Variants in TRIM44 observed in about 807,000 individuals in gnomAD.
TRIM44 encodes tripartite motif containing 44, also known as tripartite motif-containing protein 44.
Under a neutral mutation model 37.4 loss-of-function variants are expected in TRIM44, and 13 were observed. That is an observed-to-expected ratio of 0.35 (90% CI 0.23 to 0.55). The LOEUF is 0.55. Among genes scored for constraint, TRIM44 ranks in the 20% least tolerant of loss-of-function variants. The pLI is 0.89. For missense variants in TRIM44, 426 were observed against 437.2 expected (o/e 0.97, Z 0.23); for synonymous variants, 175 against 157.2 (o/e 1.11, Z -0.85).
At chr11:35,676,999 A>G (rs1851466075) in intron 1 of TRIM44, among the ~76,000 whole-genome samples, 3 of 152,220 alleles carry the variant, frequency 2.0e-5, no homozygotes, top group Admixed American at 2.0e-4. Flanking sequence ...GAGAAAAATA[A>G]CAAATAGCTG....
chr11:35,762,366 A>G lies in TRIM44; in HGVS notation c.1007+26921A>G, dbSNP rs532555305. On this transcript the variant is annotated intron_variant, in intron 4 of 4. Transcript: ENST00000299413. ...AAAGGTTATATCCCTGTCAGACTTA[A>G]AGTTGTTTAAAATTAAGTCTTTGCC... Among the ~76,000 whole-genome samples the G allele has an allele frequency of 1.1e-4, 16 of 152,220 alleles. No homozygotes were observed. In the East Asian group the frequency reaches 2.9e-3, roughly 28 times the overall value.
chr11:35,696,749 AG>A (rs1398139483), intron 2 of TRIM44, among the ~76,000 whole-genome samples: 1 of 151,608 alleles, frequency 6.6e-6, no homozygotes, highest in Non-Finnish European at 1.5e-5. Context: ...TGGGAGGCTG[AG>A]GTAGGAGAAT....
intron 4 of TRIM44, among the ~76,000 whole-genome samples, chr11:35,773,185 A>G (rs1281103620): frequency 6.6e-6 from 1 of 152,116 alleles, no homozygotes; most frequent in Non-Finnish European, 1.5e-5. Context: ...CTCCCCAGCC[A>G]TGTGGAACTG....
intron 2 of TRIM44, among the ~76,000 whole-genome samples, chr11:35,717,698 A>G (rs951283177): frequency 2.0e-5 from 3 of 152,198 alleles, no homozygotes; most frequent in African/African-American, 7.2e-5. Context: ...TCTGAGAACC[A>G]GGATTAGACC....
At position 35,810,377 on chromosome 11, in the gene TRIM44, ATG is replaced by A. The variant is rs1159323054; in HGVS notation, c.*3994_*3995del. ...TGTGTGCTGATCACATCAGATTTTT[ATG>A]TTTAAAAAAATCTCATTATGGATTG... On this transcript the variant is annotated 3_prime_UTR_variant, in exon 5 of 5. Transcript: ENST00000299413. 1 of 152,138 alleles carries A rather than the reference ATG, an allele frequency of 6.6e-6. No individual in the cohort carries two copies. The highest frequency in any genetic ancestry group is 6.5e-5 in the Admixed American group (1 of 15,270). The allele number at this position is 152,138 out of a possible 1,614,324, so 9.4% of individuals were successfully genotyped here. A position where few individuals can be genotyped will look rare whatever the true frequency, so the allele number is the denominator to read the frequency against.
intron 1 of TRIM44, among the ~76,000 whole-genome samples, chr11:35,676,079 C>T (rs980653850): frequency 6.6e-6 from 1 of 152,166 alleles, no homozygotes; most frequent in Admixed American, 6.5e-5. Context: ...AGCTCTTCCA[C>T]CTACTAGCTG....
At chr11:35,784,010 G>A (rs749006428) in intron 4 of TRIM44, among the ~76,000 whole-genome samples, 3 of 152,204 alleles carry the variant, frequency 2.0e-5, no homozygotes, top group Non-Finnish European at 4.4e-5. Flanking sequence ...GGCCTTCAAT[G>A]TTGAGGGTGA....
At chr11:35,776,830 C>T (rs1444429891) in intron 4 of TRIM44, among the ~76,000 whole-genome samples, 2 of 152,132 alleles carry the variant, frequency 1.3e-5, no homozygotes, top group East Asian at 1.9e-4. Flanking sequence ...CAGTTTGTTA[C>T]AATTTCTGTT....
intron 4 of TRIM44, among the ~76,000 whole-genome samples, chr11:35,758,521 T>C (rs1442784413): frequency 1.3e-5 from 2 of 152,214 alleles, no homozygotes; most frequent in Non-Finnish European, 2.9e-5. Flanking sequence ...TATTGTTATG[T>C]GTGAATTTGA....
rs576472676 is a variant in TRIM44, at chr11:35,663,527, G to A, written c.416G>A (p.Ser139Asn). 6.2e-7 allele frequency: 1 copy of A among 1,605,436 alleles called. No homozygotes were observed. Among genetic ancestry groups the A allele is most frequent in the African/African-American group, 1.3e-5 (1 of 74,858 alleles). ...SEEEMEDEQE[S>N]EAEEDNQEEG... ...GAAGAAATGGAGGATGAGCAAGAAA[G>A]CGAGGCCGAAGAAGACAACCAAGAA... Residue 139 changes from serine (S) to asparagine (N), a missense_variant, in exon 1 of 5, where the codon AGC becomes AAC. This residue lies in a region of TRIM44 where 331 missense variants were observed against 303.0 expected (regional missense o/e 1.09). Transcript: ENST00000299413.
At chr11:35,758,871 C>T (rs1239434769) in intron 4 of TRIM44, among the ~76,000 whole-genome samples, 5 of 152,182 alleles carry the variant, frequency 3.3e-5, no homozygotes, top group African/African-American at 7.2e-5. Context: ...AGACATCAGC[C>T]GTTAGTCTGA....
At chr11:35,697,451 T>C (rs1166348551) in intron 2 of TRIM44, among the ~76,000 whole-genome samples, 1 of 149,206 alleles carries the variant, frequency 6.7e-6, no homozygotes. Flanking sequence ...GTTTTCTTTT[T>C]TTTTTTTAAT....
intron 3 of TRIM44, among the ~76,000 whole-genome samples, chr11:35,728,190 G>A (rs1852207417): frequency 6.6e-6 from 1 of 152,116 alleles, no homozygotes; most frequent in Admixed American, 6.6e-5. Flanking sequence ...GCTGGGTATG[G>A]TGGCGAGCAC....
chr11:35,794,369 A>C (rs1023965353), intron 4 of TRIM44, among the ~76,000 whole-genome samples: 2 of 152,226 alleles, frequency 1.3e-5, no homozygotes, highest in Non-Finnish European at 2.9e-5. Flanking sequence ...GAAGTTGGCA[A>C]ACACACAGCT....
intron 1 of TRIM44, among the ~76,000 whole-genome samples, chr11:35,674,535 C>G (rs947130156): frequency 6.6e-6 from 1 of 152,180 alleles, no homozygotes; most frequent in African/African-American, 2.4e-5. Context: ...AAACCCACTT[C>G]AGATGGGTTT....
intron 1 of TRIM44, among the ~76,000 whole-genome samples, chr11:35,669,982 C>T (rs547137192): frequency 1.2e-4 from 18 of 151,816 alleles, no homozygotes; most frequent in Admixed American, 8.5e-4. Context: ...CCACCACACC[C>T]GCCTGATTTT....
intron 2 of TRIM44, among the ~76,000 whole-genome samples, chr11:35,711,852 G>A (rs565205370): frequency 3.9e-5 from 6 of 152,294 alleles, no homozygotes; most frequent in African/African-American, 4.8e-5. Flanking sequence ...GCAAGGGTAC[G>A]TGAGGGCACC....
intron 4 of TRIM44, among the ~76,000 whole-genome samples, chr11:35,758,702 CA>C (rs1437081503): frequency 6.6e-6 from 1 of 152,104 alleles, no homozygotes; most frequent in East Asian, 1.9e-4. Flanking sequence ...TTGTTGGTGA[CA>C]AAATCTCTCA....
intron 1 of TRIM44, among the ~76,000 whole-genome samples, chr11:35,675,334 C>G (rs537965905): frequency 6.6e-6 from 1 of 152,236 alleles, no homozygotes; most frequent in East Asian, 1.9e-4. Context: ...TCCAAAATAA[C>G]CACTCCCACA....
Sources: gnomAD v4.1 joint callset for allele counts (sites outside exome capture counted in the v4.1 genomes callset) on GRCh38, gnomAD v4.1.1 for gene constraint, gnomAD v4.1.1 regional missense constraint, MANE v1.5 for transcripts, NCBI Gene and HGNC (gene_info 2026-07-23, HGNC 2026-07-21) for gene names.